The following TTC6 variants were observed in gnomAD, a reference collection of about 807,000 sequenced individuals.
The protein encoded by TTC6 is tetratricopeptide repeat protein 6.
Under a neutral mutation model 210.4 loss-of-function variants are expected in TTC6, and 172 were observed. The observed-to-expected ratio is 0.82, with a 90% CI of 0.72 to 0.93. TTC6 has a LOEUF of 0.93. Among genes scored for constraint, TTC6 ranks in the 40% least tolerant of loss-of-function variants. The pLI, the probability that TTC6 is intolerant of heterozygous loss-of-function variation, is 0.00. For synonymous variants in TTC6, 804 were observed against 819.6 expected, an observed-to-expected ratio of 0.98 and a Z score of 0.32; for missense variants, 2,414 against 2,318.1, an observed-to-expected ratio of 1.04 and a Z score of -0.85.
chr14:37,633,220 G>A (rs556236576), intron 1 of TTC6, among the ~76,000 whole-genome samples: 1 of 152,302 alleles, frequency 6.6e-6, no homozygotes, highest in African/African-American at 2.4e-5. Flanking sequence ...ATGGCCACCC[G>A]GTTTTGTGCG....
At chr14:37,673,291 A>G (rs2138495139) in intron 1 of TTC6, among the ~76,000 whole-genome samples, 1 of 152,264 alleles carries the variant, frequency 6.6e-6, no homozygotes, top group East Asian at 1.9e-4. Flanking sequence ...AGCAAGAGAA[A>G]GTTAATGCAG....
chr14:37,633,560 T>C (rs545132142), intron 1 of TTC6, among the ~76,000 whole-genome samples: 36 of 152,316 alleles, frequency 2.4e-4, no homozygotes, highest in African/African-American at 8.7e-4. Context: ...ACCGGAGCTG[T>C]TCCTATTCAG....
chr14:37,654,830 A>G (rs927159576), intron 1 of TTC6, among the ~76,000 whole-genome samples: 32 of 152,218 alleles, frequency 2.1e-4, no homozygotes, highest in Admixed American at 1.6e-3. Flanking sequence ...ACATAATAGC[A>G]CGCCCAGAAT....
chr14:37,684,907 A>G (rs1477016292), intron 3 of TTC6, among the ~76,000 whole-genome samples: 3 of 152,204 alleles, frequency 2.0e-5, no homozygotes, highest in Non-Finnish European at 4.4e-5. Context: ...AGGTGTAATA[A>G]AGGAACAATG....
intron 29 of TTC6, among the ~76,000 whole-genome samples, chr14:37,832,165 G>C (rs2096186843): frequency 6.6e-6 from 1 of 151,842 alleles, no homozygotes; most frequent in Non-Finnish European, 1.5e-5. Context: ...TGGATACCAA[G>C]TTTTCTCAGT....
At chr14:37,746,592 G>A (rs2095936785) in intron 10 of TTC6, among the ~76,000 whole-genome samples, 1 of 152,168 alleles carries the variant, frequency 6.6e-6, no homozygotes, top group South Asian at 2.1e-4. Context: ...ATTCCTGGGT[G>A]TTCTGGCTAA....
At chr14:37,614,495 C>T (rs918271897) in intron 2 of TTC6, among the ~76,000 whole-genome samples, 1 of 152,112 alleles carries the variant, frequency 6.6e-6, no homozygotes, top group Non-Finnish European at 1.5e-5. Context: ...AAAAAAATAG[C>T]TTCATGCACT....
intron 10 of TTC6, among the ~76,000 whole-genome samples, chr14:37,746,923 T>C (rs551234731): frequency 4.2e-4 from 64 of 152,334 alleles, no homozygotes; most frequent in African/African-American, 1.4e-3. Flanking sequence ...TCATACCTCC[T>C]TGCATGTTAA....
At chr14:37,627,627 A>C (rs1030121234) in intron 1 of TTC6, among the ~76,000 whole-genome samples, 1 of 152,212 alleles carries the variant, frequency 6.6e-6, no homozygotes, top group African/African-American at 2.4e-5. Flanking sequence ...TGCAAAGGAC[A>C]TGAACTCATC....
chr14:37,729,136 G>A (rs1489552043), intron 7 of TTC6, among the ~76,000 whole-genome samples: 2 of 151,942 alleles, frequency 1.3e-5, no homozygotes, highest in Non-Finnish European at 2.9e-5. Flanking sequence ...CCTAGTCAAA[G>A]TGTATGTATA....
At chr14:37,813,001 CTT>C (rs1050106879) in intron 25 of TTC6, among the ~76,000 whole-genome samples, 2 of 152,014 alleles carry the variant, frequency 1.3e-5, no homozygotes, top group Admixed American at 1.3e-4. Context: ...TCATTTTTAA[CTT>C]TTTATTTTTA....
chr14:37,663,648 C>CCAT (rs1232708127), intron 1 of TTC6, among the ~76,000 whole-genome samples: 11 of 152,082 alleles, frequency 7.2e-5, no homozygotes. Flanking sequence ...TGTTGTGTCA[C>CCAT]AGTTGGCTGT....
intron 7 of TTC6, among the ~76,000 whole-genome samples, chr14:37,734,958 T>C (rs1485436646): frequency 6.6e-6 from 1 of 152,190 alleles, no homozygotes; most frequent in Admixed American, 6.5e-5. Flanking sequence ...CATATTTCAA[T>C]ATCTTGTGTA....
intron 20 of TTC6, among the ~76,000 whole-genome samples, chr14:37,799,679 A>G (rs1361719390): frequency 6.6e-6 from 1 of 152,188 alleles, no homozygotes; most frequent in Non-Finnish European, 1.5e-5. Context: ...GTATCATGGT[A>G]GGGAACTGCT....
intron 5 of TTC6, among the ~76,000 whole-genome samples, chr14:37,710,578 A>G (rs1322596618): frequency 6.6e-6 from 1 of 152,108 alleles, no homozygotes; most frequent in East Asian, 1.9e-4. Context: ...TTCTTAGCAT[A>G]TTCTGTGTAC....
intron 3 of TTC6, among the ~76,000 whole-genome samples, chr14:37,683,593 T>G (rs564880231): frequency 6.6e-6 from 1 of 152,242 alleles, no homozygotes. Flanking sequence ...TCACATAAAT[T>G]TTATTACAGT....
At chr14:37,753,855 G>T (rs962473849) in intron 14 of TTC6, among the ~76,000 whole-genome samples, 35 of 150,948 alleles carry the variant, frequency 2.3e-4, no homozygotes, top group African/African-American at 8.5e-4. Flanking sequence ...TAAACTTCGT[G>T]CATTGTACAG....
chr14:37,659,685 T>G (rs1189314896), intron 1 of TTC6, among the ~76,000 whole-genome samples: 2 of 152,092 alleles, frequency 1.3e-5, no homozygotes, highest in Non-Finnish European at 2.9e-5. Flanking sequence ...CATGTCCAGC[T>G]AATTTTTGTA....
intron 24 of TTC6, among the ~76,000 whole-genome samples, chr14:37,810,799 G>A (rs1467697465): frequency 6.6e-6 from 1 of 152,154 alleles, no homozygotes; most frequent in Non-Finnish European, 1.5e-5. Flanking sequence ...TAAAAACTAA[G>A]GGAAGATCAA....
Sources: allele counts gnomAD v4.1 joint callset (sites outside exome capture counted in the v4.1 genomes callset), GRCh38; gene constraint gnomAD v4.1.1; transcripts MANE v1.5; gene names NCBI Gene and HGNC (gene_info 2026-07-23, HGNC 2026-07-21).